The following ELF1 variants were observed in gnomAD, a reference collection of about 807,000 sequenced individuals.
ELF1 encodes ETS-related transcription factor Elf-1.
A neutral mutation model predicts 59.9 loss-of-function variants in ELF1; 24 were observed. The ratio of observed to expected loss-of-function variants is 0.40; its 90% confidence interval spans 0.29 to 0.56. ELF1 has a LOEUF of 0.56. Ranked by LOEUF, ELF1 falls within the 20% of genes least tolerant of loss-of-function variation. ELF1 has a pLI of 0.44. For synonymous variants in ELF1, 248 were observed against 266.2 expected (o/e 0.93, Z 0.67); for missense variants, 627 against 742.2 (o/e 0.84, Z 1.80).
chr13:41,000,686 G>A (rs9594476), intron 1 of ELF1, among the ~76,000 whole-genome samples: 27,602 of 151,800 alleles, frequency 0.18, 2,687 homozygotes, highest in African/African-American at 0.22. Flanking sequence ...ATCACAATAA[G>A]GTTTATTTAT....
At chr13:40,949,607 G>A (rs540665418) in intron 5 of ELF1, among the ~76,000 whole-genome samples, 199 bp downstream of exon 5, 3 of 151,662 alleles carry the variant, frequency 2.0e-5, no homozygotes, top group East Asian at 3.9e-4. Context: ...TTCCTGCCTC[G>A]GCCTCCTAAA....
At chr13:40,987,087 C>T (rs973242483) in intron 1 of ELF1, among the ~76,000 whole-genome samples, 1 of 150,486 alleles carries the variant, frequency 6.6e-6, no homozygotes, top group Non-Finnish European at 1.5e-5. Context: ...AGGCGCCCGC[C>T]ACCACGCCCG....
intron 1 of ELF1, among the ~76,000 whole-genome samples, chr13:41,041,693 G>A (rs2138421039): frequency 6.6e-6 from 1 of 152,128 alleles, no homozygotes; most frequent in East Asian, 1.9e-4. Flanking sequence ...AAAAAAAAGG[G>A]CATCCAGAAG....
chr13:40,953,274 C>A (rs1485114660), intron 3 of ELF1, among the ~76,000 whole-genome samples: 1 of 152,178 alleles, frequency 6.6e-6, no homozygotes, highest in East Asian at 1.9e-4. Flanking sequence ...CCGTGCCCGG[C>A]CTACAGTAAT....
chr13:41,012,351 A>G (rs1169390290), intron 1 of ELF1, among the ~76,000 whole-genome samples: 1 of 149,560 alleles, frequency 6.7e-6, no homozygotes, highest in African/African-American at 2.4e-5. Context: ...ATTATGAAAC[A>G]GTTAAACCAA....
chr13:40,962,895 T>C (rs1871932596), intron 2 of ELF1, among the ~76,000 whole-genome samples: 1 of 152,186 alleles, frequency 6.6e-6, no homozygotes, highest in Non-Finnish European at 1.5e-5. Context: ...TGTTAATATT[T>C]TGAATTCATG....
At chr13:41,017,842 G>T (rs771606044) in intron 1 of ELF1, among the ~76,000 whole-genome samples, 1 of 151,794 alleles carries the variant, frequency 6.6e-6, no homozygotes, top group Non-Finnish European at 1.5e-5. Context: ...ACACAGACCA[G>T]ACTAGAAGTA....
At chr13:41,005,083 T>G (rs1874663143) in intron 1 of ELF1, among the ~76,000 whole-genome samples, 1 of 152,200 alleles carries the variant, frequency 6.6e-6, no homozygotes. Flanking sequence ...TCCTGCCTTC[T>G]CTGTTACATC....
At chr13:41,015,003 C>A (rs1045221319) in intron 1 of ELF1, among the ~76,000 whole-genome samples, 1 of 151,714 alleles carries the variant, frequency 6.6e-6, no homozygotes, top group Non-Finnish European at 1.5e-5. Flanking sequence ...GCCCTCCCCC[C>A]AAAAAAAGAA....
intron 2 of ELF1, among the ~76,000 whole-genome samples, chr13:40,959,946 T>C (rs891963333): frequency 6.6e-6 from 1 of 152,138 alleles, no homozygotes; most frequent in African/African-American, 2.4e-5. Context: ...CCTTTATCAT[T>C]TTGAGATAAT....
In ELF1 at chr13:41,055,451, T is replaced by C. The variant is rs1157515899; in HGVS notation, c.-229+5387A>G. On this transcript the variant is annotated intron_variant, in intron 1 of 1. Transcript: ENST00000405737. The stretch of plus-strand genomic sequence containing the variant: ...AAAGCTTATCTCGAATGCTGCCTCC[T>C]ACAGGAGGCCTTTCCTCATTCCCCT... 4.0e-5 allele frequency among the ~76,000 whole-genome samples: 6 copies of C among 151,560 alleles called. 2 individuals carry two copies. In the South Asian group the frequency reaches 1.3e-3, roughly 32 times the overall value.
chr13:40,934,613 G>GT (rs550319127), intron 8 of ELF1, among the ~76,000 whole-genome samples: 14 of 151,932 alleles, frequency 9.2e-5, no homozygotes, highest in African/African-American at 2.7e-4. Context: ...TTGAGATGGG[G>GT]TTTTCTATGT....
intron 1 of ELF1, among the ~76,000 whole-genome samples, chr13:41,038,963 A>G (rs1349910072): frequency 1.4e-5 from 2 of 148,050 alleles, no homozygotes; most frequent in Non-Finnish European, 3.0e-5. Flanking sequence ...CAGTGAACCC[A>G]GATTGCACCA....
chr13:40,978,692 T>A (rs187990430), intron 2 of ELF1, among the ~76,000 whole-genome samples: 1 of 151,734 alleles, frequency 6.6e-6, no homozygotes, highest in East Asian at 1.9e-4. Context: ...AAAACTCTAA[T>A]TGAAAATAAA....
intron 2 of ELF1, among the ~76,000 whole-genome samples, chr13:40,959,820 A>G (rs891679272): frequency 2.0e-5 from 3 of 152,228 alleles, no homozygotes; most frequent in Non-Finnish European, 2.9e-5. Flanking sequence ...GACCCATACA[A>G]TTTAATGTAA....
intron 5 of ELF1, among the ~76,000 whole-genome samples, chr13:40,947,309 G>C (rs1464593933): frequency 6.6e-6 from 1 of 152,126 alleles, no homozygotes; most frequent in Non-Finnish European, 1.5e-5. Context: ...TTGGGAGGTC[G>C]AGGCGGTGGA....
At chr13:41,014,662 G>A (rs1333835130) in intron 1 of ELF1, among the ~76,000 whole-genome samples, 1 of 152,086 alleles carries the variant, frequency 6.6e-6, no homozygotes, top group Non-Finnish European at 1.5e-5. Flanking sequence ...CTCAATAATG[G>A]TACTAACTTA....
At chr13:40,934,140 G>T in intron 8 of ELF1, 112 bp from the exon 9 acceptor site, 1 of 1,377,204 alleles carries the variant, frequency 7.3e-7, no homozygotes, top group Non-Finnish European at 9.7e-7. Context: ...TCAAAATGCT[G>T]CTTCCCATAT....
intron 1 of ELF1, among the ~76,000 whole-genome samples, chr13:41,037,658 T>C (rs2138415867): frequency 6.6e-6 from 1 of 152,042 alleles, no homozygotes; most frequent in African/African-American, 2.4e-5. Flanking sequence ...TAGCCGGGCA[T>C]GGTGGCGCAT....
Sources: allele counts gnomAD v4.1 joint callset (sites outside exome capture counted in the v4.1 genomes callset), GRCh38; gene constraint gnomAD v4.1.1; transcripts MANE v1.5; gene names NCBI Gene and HGNC (gene_info 2026-07-23, HGNC 2026-07-21).